Variants in TGIF1 observed in about 807,000 individuals in gnomAD.
The protein encoded by TGIF1 is TGFB induced factor homeobox 1, also known as homeobox protein TGIF1.
Under a neutral mutation model 19.3 loss-of-function variants are expected in TGIF1, and 4 were observed. That is an observed-to-expected ratio of 0.21 (90% CI 0.10 to 0.47). TGIF1 has a LOEUF of 0.47. Ranked by LOEUF, TGIF1 falls within the 20% of genes least tolerant of loss-of-function variation. The pLI, the probability that TGIF1 is intolerant of heterozygous loss-of-function variation, is 0.98. For synonymous variants in TGIF1, 122 were observed against 129.3 expected (o/e 0.94, Z 0.38); for missense variants, 275 against 341.4 (o/e 0.81, Z 1.53).
chr18:3,453,165 T>C (rs2083040508), intron 1 of TGIF1, among the ~76,000 whole-genome samples: 1 of 152,136 alleles, frequency 6.6e-6, no homozygotes, highest in South Asian at 2.1e-4. Context: ...CTCGAACTCC[T>C]GGGCTCAAGA....
At chr18:3,442,643 G>A (rs563347728) in intron 2 of TGIF1, among the ~76,000 whole-genome samples, 15 of 152,264 alleles carry the variant, frequency 9.9e-5, no homozygotes, top group East Asian at 1.9e-4. Context: ...CAAGCACTTT[G>A]GGAGACTGAG....
At chr18:3,443,263 T>C (rs1196355988) in intron 2 of TGIF1, among the ~76,000 whole-genome samples, 2 of 152,218 alleles carry the variant, frequency 1.3e-5, no homozygotes, top group Non-Finnish European at 2.9e-5. Flanking sequence ...AACAATTAAA[T>C]GCTCATTACT....
rs138150767 is a variant in TGIF1 at position 3,455,038 on chromosome 18, C to G, written c.17-1316C>G. The G allele has an allele frequency of 1.4e-3, 209 of 152,162 alleles. 2 individuals carry two copies. The highest frequency in any genetic ancestry group is 4.9e-3 in the African/African-American group (202 of 41,534). The allele number at this position is 152,162 out of a possible 1,614,324, so 9.4% of individuals were successfully genotyped here. On this transcript the variant is annotated intron_variant, in intron 1 of 2. Coordinates refer to ENST00000343820, the MANE Select transcript of TGIF1 (RefSeq NM_003244.4). ...AATTAAGGTCAAGTCATATTTTCAA[C>G]CAAAATTACATACTACAGAGGAAAG...
Position 3,452,134 on chromosome 18 carries a change from T to A in TGIF1, c.16+1629T>A, listed in dbSNP as rs147815261. Reference sequence around the variant, plus strand: ...ACGGCTTTTCTGGCGTCCCCCCGACTCTCCCGCGGCACTTTGGCCTACCTT... The same window carrying A: ...ACGGCTTTTCTGGCGTCCCCCCGACACTCCCGCGGCACTTTGGCCTACCTT... On this transcript the variant is annotated intron_variant, in intron 1 of 2. Coordinates refer to ENST00000343820, the MANE Select transcript of TGIF1 (RefSeq NM_003244.4). 2.9e-5 allele frequency: 47 copies of A among 1,613,402 alleles called. No homozygotes were observed. In the African/African-American group the frequency reaches 5.1e-4, roughly 17 times the overall value.
At chr18:3,421,576 C>A (rs762013528) in intron 2 of TGIF1, among the ~76,000 whole-genome samples, 24 of 151,564 alleles carry the variant, frequency 1.6e-4, no homozygotes, top group Non-Finnish European at 2.6e-4. Context: ...CCAAACCCAG[C>A]TAATTTTGTA....
At chr18:3,422,688 T>TTG (rs1568029576) in intron 2 of TGIF1, among the ~76,000 whole-genome samples, 1 of 31,880 alleles carries the variant, frequency 3.1e-5, no homozygotes, top group Non-Finnish European at 1.3e-4. Flanking sequence ...TTTTTTTTTT[T>TTG]TTTTTTTTTT....
At chr18:3,420,381 T>C (rs1333526790) in intron 2 of TGIF1, among the ~76,000 whole-genome samples, 1 of 148,882 alleles carries the variant, frequency 6.7e-6, no homozygotes, top group East Asian at 2.0e-4. Flanking sequence ...AGACTCCCTC[T>C]CAAAAAAAAA....
chr18:3,412,062 G>A (rs1389475732), exon 1 of TGIF1: 1 of 164,206 alleles, frequency 6.1e-6, no homozygotes, highest in African/African-American at 2.3e-5. Flanking sequence ...ACAGTGATTT[G>A]CCTCAGCGGG....
chr18:3,451,862 G>A lies in TGIF1; in HGVS notation c.16+1357G>A. 5.0e-6 allele frequency: 7 copies of A among 1,410,264 alleles called. No homozygotes were observed. The highest frequency in any genetic ancestry group is 4.6e-6 in the Non-Finnish European group (5 of 1,081,822). 87.4% of individuals were successfully genotyped at this position (1,410,264 alleles called of 1,614,324 possible). Reference sequence around the variant, plus strand: ...CCCTGGGAGAAAACGCGCGGGGGGCGTCCGAGACGCCCCGTGAAAGCCGTG... The same window carrying A: ...CCCTGGGAGAAAACGCGCGGGGGGCATCCGAGACGCCCCGTGAAAGCCGTG... On this transcript the variant is annotated intron_variant, in intron 1 of 2. Coordinates refer to ENST00000343820, the MANE Select transcript of TGIF1 (RefSeq NM_003244.4). The surrounding 1 kb of genome is among the most constrained non-coding windows in gnomAD (Gnocchi z 5.4).
At chr18:3,422,866 A>G (rs1325697442) in intron 2 of TGIF1, among the ~76,000 whole-genome samples, 1 of 150,980 alleles carries the variant, frequency 6.6e-6, no homozygotes, top group Non-Finnish European at 1.5e-5. Flanking sequence ...AATTTTTTGT[A>G]TTTTAGTAGA....
upstream of TGIF1, chr18:3,450,147 T>G: frequency 6.6e-6 from 8 of 1,215,708 alleles, no homozygotes; most frequent in Admixed American, 3.9e-5. Flanking sequence ...CAGGACCTCC[T>G]GTACCTTCCC....
At chr18:3,435,199 A>AT (rs1005126000) in intron 2 of TGIF1, among the ~76,000 whole-genome samples, 32 of 150,496 alleles carry the variant, frequency 2.1e-4, no homozygotes, top group South Asian at 1.5e-3. Flanking sequence ...CCCTATATAT[A>AT]TTTTTTTTTT....
rs764152878 is a variant in TGIF1, at chr18:3,452,334, G to A, written c.16+1829G>A. 8.1e-6 allele frequency: 13 copies of A among 1,613,188 alleles called. No individual in the cohort carries two copies. In the Admixed American group the frequency reaches 1.8e-4, roughly 23 times the overall value. On this transcript the variant is annotated intron_variant, in intron 1 of 2. Transcript: ENST00000343820. ...GGAACTTCCGCGGTCCCCATCCCAG[G>A]GCGCACAGGGTCCAGCTCCTCGGCG...
At chr18:3,421,959 T>C (rs2082403926) in intron 2 of TGIF1, among the ~76,000 whole-genome samples, 5 of 151,942 alleles carry the variant, frequency 3.3e-5, no homozygotes, top group South Asian at 2.1e-4. Context: ...TTTGCGAGGC[T>C]GAGGTGAGCA....
At chr18:3,430,820 T>C (rs1269324893) in intron 2 of TGIF1, among the ~76,000 whole-genome samples, 4 of 152,130 alleles carry the variant, frequency 2.6e-5, no homozygotes, top group African/African-American at 9.7e-5. Flanking sequence ...CTAGTTTTAG[T>C]GTCTAATGCA....
At chr18:3,453,786 T>A (rs1375399561) in intron 1 of TGIF1, 1 of 984,970 alleles carries the variant, frequency 1.0e-6, no homozygotes, top group East Asian at 1.1e-4. Context: ...CAACATTTCC[T>A]TGTATGTGGA....
chr18:3,458,585 T>C lies in TGIF1; in HGVS notation c.*645T>C, dbSNP rs757977031. ...GTTTGCATAAACAGGATGTGTGATA[T>C]TTACTCTTGATAGGAGGCATAGCAG... On this transcript the variant is annotated 3_prime_UTR_variant, in exon 3 of 3. Transcript: ENST00000343820. The C allele has an allele frequency of 8.4e-5, 13 of 154,428 alleles. No individual in the cohort carries two copies. Among genetic ancestry groups the C allele is most frequent in the African/African-American group, 3.1e-4 (13 of 41,550 alleles). 9.6% of individuals were successfully genotyped at this position (154,428 alleles called of 1,614,324 possible). A position where few individuals can be genotyped will look rare whatever the true frequency, so the allele number is the denominator to read the frequency against.
Position 3,450,353 on chromosome 18 carries a change from T to A in TGIF1, c.-137T>A. ...GCGCCTGGGATCAGAGCGTCCTGTTTAGCAATAACGGCTGGAGCACGTCCT... is the reference window on the plus strand; with the variant it reads ...GCGCCTGGGATCAGAGCGTCCTGTTAAGCAATAACGGCTGGAGCACGTCCT... On this transcript the variant is annotated 5_prime_UTR_variant, in exon 1 of 3. Coordinates refer to ENST00000343820, the MANE Select transcript of TGIF1 (RefSeq NM_003244.4). The A allele has an allele frequency of 1.3e-6, 2 of 1,508,232 alleles. No individual in the cohort carries two copies. The highest frequency in any genetic ancestry group is 1.8e-6 in the Non-Finnish European group (2 of 1,124,336). The allele number at this position is 1,508,232 out of a possible 1,614,324, so 93.4% of individuals were successfully genotyped here. A position where few individuals can be genotyped will look rare whatever the true frequency, so the allele number is the denominator to read the frequency against.
intron 2 of TGIF1, among the ~76,000 whole-genome samples, chr18:3,443,608 G>A (rs538723082): frequency 2.2e-4 from 33 of 151,902 alleles, no homozygotes; most frequent in Non-Finnish European, 2.5e-4. Flanking sequence ...ATGTAATTTC[G>A]TTCTGTTACC....
Sources: allele counts gnomAD v4.1 joint callset (sites outside exome capture counted in the v4.1 genomes callset), GRCh38; gene constraint gnomAD v4.1.1; non-coding constraint Gnocchi (gnomAD v3.1); transcripts MANE v1.5; gene names NCBI Gene and HGNC (gene_info 2026-07-23, HGNC 2026-07-21).